The following AGBL1 variants were observed in gnomAD, a reference collection of about 807,000 sequenced individuals.
AGBL1 encodes the protein AGBL carboxypeptidase 1.
A neutral mutation model predicts 118.9 loss-of-function variants in AGBL1; 130 were observed. The ratio of observed to expected loss-of-function variants is 1.09; its 90% CI spans 0.95 to 1.26. AGBL1 has a LOEUF of 1.26. Ranked by LOEUF, AGBL1 falls within the 50% of genes most tolerant of loss-of-function variation. The pLI, the probability that AGBL1 is intolerant of heterozygous loss-of-function variation, is 0.00. For synonymous variants in AGBL1, 555 were observed against 478.9 expected (o/e 1.16, Z -2.08); for missense variants, 1,584 against 1,298.1 (o/e 1.22, Z -3.38).
chr15:86,986,226 G>T (rs1421246695), intron 23 of AGBL1, among the ~76,000 whole-genome samples: 1 of 152,036 alleles, frequency 6.6e-6, no homozygotes, highest in Non-Finnish European at 1.5e-5. Flanking sequence ...GCCCGGCCAG[G>T]ATATCAATTG....
chr15:86,704,523 T>C (rs2086414609), intron 22 of AGBL1, among the ~76,000 whole-genome samples: 1 of 152,072 alleles, frequency 6.6e-6, no homozygotes, highest in South Asian at 2.1e-4. Context: ...CCAACAAACA[T>C]ATCAAAAGAA....
intron 9 of AGBL1, 51 bp from the exon 10 acceptor site, chr15:86,262,727 C>A: frequency 8.0e-7 from 1 of 1,255,352 alleles, no homozygotes; most frequent in South Asian, 1.3e-5. Context: ...CTTGATGCTT[C>A]TCAGGGTGGA....
At chr15:86,874,735 A>C (rs1002037849) in intron 22 of AGBL1, among the ~76,000 whole-genome samples, 3 of 152,198 alleles carry the variant, frequency 2.0e-5, no homozygotes, top group Non-Finnish European at 4.4e-5. Flanking sequence ...ATACTTTTAA[A>C]TGTAACCCCA....
At chr15:86,638,981 A>C (rs1406978258) in intron 21 of AGBL1, among the ~76,000 whole-genome samples, 1 of 152,064 alleles carries the variant, frequency 6.6e-6, no homozygotes, top group African/African-American at 2.4e-5. Context: ...GTTTCTTACT[A>C]TCTGTCGGCT....
chr15:86,938,942 A>G (rs757217724), intron 23 of AGBL1: 2 of 152,266 alleles, frequency 1.3e-5, no homozygotes, highest in Non-Finnish European at 2.9e-5. Flanking sequence ...TTTCATGCAA[A>G]GGAGAAGCTC....
At chr15:86,741,413 A>AAAAAAAAAAAAAAAAAAT (rs2077677633) in intron 22 of AGBL1, among the ~76,000 whole-genome samples, 3 of 131,562 alleles carry the variant, frequency 2.3e-5, no homozygotes, top group Non-Finnish European at 3.2e-5. Flanking sequence ...AAAAAAAAAA[A>AAAAAAAAAAAAAAAAAAT]AAAAAAAAGA....
At chr15:86,095,356 C>T (rs1896292696) in intron 1 of AGBL1, among the ~76,000 whole-genome samples, 1 of 152,112 alleles carries the variant, frequency 6.6e-6, no homozygotes. Flanking sequence ...AAAGTTCCAA[C>T]CCTCCAACTA....
chr15:86,809,092 C>T (rs1276345480), intron 22 of AGBL1, among the ~76,000 whole-genome samples: 1 of 152,006 alleles, frequency 6.6e-6, no homozygotes, highest in African/African-American at 2.4e-5. Flanking sequence ...CATTCAATTT[C>T]CAACAATGTA....
chr15:86,442,757 G>C (rs1055480076), intron 18 of AGBL1, among the ~76,000 whole-genome samples: 1 of 152,204 alleles, frequency 6.6e-6, no homozygotes, highest in African/African-American at 2.4e-5. Context: ...AGAAAAGCAA[G>C]GGCTTCGTCA....
chr15:86,496,969 G>A (rs574333365), intron 18 of AGBL1, among the ~76,000 whole-genome samples: 1 of 152,082 alleles, frequency 6.6e-6, no homozygotes, highest in South Asian at 2.1e-4. Flanking sequence ...CATATACAGT[G>A]TGAAATGACT....
At chr15:86,363,663 T>C (rs1352159230) in intron 17 of AGBL1, among the ~76,000 whole-genome samples, 1 of 152,216 alleles carries the variant, frequency 6.6e-6, no homozygotes, top group East Asian at 1.9e-4. Context: ...ATGATTACTC[T>C]GTTTCAGCTA....
chr15:86,570,114 A>C (rs2083981984), intron 21 of AGBL1, among the ~76,000 whole-genome samples: 1 of 152,046 alleles, frequency 6.6e-6, no homozygotes. Context: ...TAGCATTTCC[A>C]TACAAATGTT....
chr15:86,742,676 T>G (rs1051615939), intron 22 of AGBL1, among the ~76,000 whole-genome samples: 1 of 152,172 alleles, frequency 6.6e-6, no homozygotes, highest in African/African-American at 2.4e-5. Flanking sequence ...AGAGAGGGAC[T>G]TGGACTCTGA....
At chr15:86,924,976 C>T (rs1348439312) in intron 23 of AGBL1, among the ~76,000 whole-genome samples, 1 of 151,444 alleles carries the variant, frequency 6.6e-6, no homozygotes, top group Non-Finnish European at 1.5e-5. Flanking sequence ...GTGGTGGGCA[C>T]CTGTAGTCCC....
rs547622297 is a variant in AGBL1 at position 86,931,019 on chromosome 15, A to T, written c.3222-56968A>T. On this transcript the variant is annotated intron_variant, in intron 23 of 24. Transcript: ENST00000441037. ...GGCATGTAGACCTCAGATAAGGAGG[A>T]GCTGAGGACTGGACTCTGACTGCCT... is the stretch of plus-strand genomic sequence containing the variant. 1.2e-4 allele frequency among the ~76,000 whole-genome samples: 19 copies of T among 152,290 alleles called. No homozygotes were observed. In the East Asian group the frequency reaches 3.7e-3, roughly 30 times the overall value.
intron 22 of AGBL1, among the ~76,000 whole-genome samples, chr15:86,716,672 T>A (rs1241317232): frequency 1.3e-5 from 2 of 152,202 alleles, no homozygotes; most frequent in Admixed American, 1.3e-4. Flanking sequence ...CTGAGACAAT[T>A]AAGACATTTG....
intron 17 of AGBL1, among the ~76,000 whole-genome samples, chr15:86,380,567 C>A (rs1419834611): frequency 6.9e-6 from 1 of 145,314 alleles, no homozygotes; most frequent in Non-Finnish European, 1.5e-5. Flanking sequence ...CCGTCCCTTT[C>A]CCCTCCCTCA....
chr15:86,444,995 G>A (rs529627369), intron 18 of AGBL1, among the ~76,000 whole-genome samples: 2 of 152,274 alleles, frequency 1.3e-5, no homozygotes, highest in South Asian at 4.1e-4. Context: ...CTGGTGGGGT[G>A]GGTGCTTATA....
chr15:86,247,215 A>G (rs572968749), intron 6 of AGBL1, among the ~76,000 whole-genome samples: 20 of 152,340 alleles, frequency 1.3e-4, no homozygotes, highest in Middle Eastern at 3.4e-3. Flanking sequence ...TTGCTGGCCC[A>G]AGATTTAAAC....
Sources: allele counts gnomAD v4.1 joint callset (sites outside exome capture counted in the v4.1 genomes callset), GRCh38; gene constraint gnomAD v4.1.1; transcripts MANE v1.5; gene names NCBI Gene and HGNC (gene_info 2026-07-23, HGNC 2026-07-21).